The following AVPR1A variants were observed in gnomAD, a reference collection of about 807,000 sequenced individuals.
The protein encoded by AVPR1A is vasopressin V1a receptor.
A neutral mutation model predicts 31.5 loss-of-function variants in AVPR1A; 31 were observed. That is an observed-to-expected ratio of 0.99 (90% CI 0.74 to 1.33). AVPR1A has a LOEUF of 1.33. Ranked by LOEUF, AVPR1A falls within the 40% of genes most tolerant of loss-of-function variation. AVPR1A has a pLI of 0.00. For synonymous variants in AVPR1A, 243 were observed against 233.2 expected (o/e 1.04, Z -0.38); for missense variants, 570 against 575.2 (o/e 0.99, Z 0.09).
rs1418456273 is a variant in AVPR1A, at chr12:63,145,502, A to G, written c.*1857T>C. On this transcript the variant is annotated 3_prime_UTR_variant, in exon 2 of 2. Coordinates refer to ENST00000299178, the MANE Select transcript of AVPR1A (RefSeq NM_000706.5). ...TAGCTGGGTGTGGTGGCACATGCAT[A>G]TAGTCCCAGCTACTCGGGAGGCTGA... 6.9e-5 allele frequency: 27 copies of G among 390,464 alleles called. No homozygotes were observed. The highest frequency in any genetic ancestry group is 1.3e-4 in the Non-Finnish European group (26 of 202,054). The allele number at this position is 390,464 out of a possible 1,614,324, so 24.2% of individuals were successfully genotyped here.
chr12:63,149,110 A>G (rs139584695), intron 1 of AVPR1A, among the ~76,000 whole-genome samples: 249 of 152,316 alleles, frequency 1.6e-3, no homozygotes, highest in Non-Finnish European at 2.7e-3. Flanking sequence ...CTACTGTAAG[A>G]GTTGGGTGGA....
Position 63,145,516 on chromosome 12 carries a change from T to C in AVPR1A, c.*1843A>G, listed in dbSNP as rs922225490. The C allele has an allele frequency of 3.0e-6, 1 of 331,370 alleles. No homozygotes were observed. Among genetic ancestry groups the C allele is most frequent in the Non-Finnish European group, 5.8e-6 (1 of 171,652 alleles). The allele number at this position is 331,370 out of a possible 1,614,324, so 20.5% of individuals were successfully genotyped here. ...GGCACATGCATATAGTCCCAGCTAC[T>C]CGGGAGGCTGAGGCAGGAGAATCGC... On this transcript the variant is annotated 3_prime_UTR_variant, in exon 2 of 2. Transcript: ENST00000299178.
chr12:63,149,768 TTTTTC>T (rs1868419749), intron 1 of AVPR1A, 94 bp downstream of exon 1: 2 of 1,259,776 alleles, frequency 1.6e-6, no homozygotes, highest in Non-Finnish European at 2.1e-6. Flanking sequence ...GATTCTCATT[TTTTTC>T]TCTCTCTCTC....
rs551069624 is a variant in AVPR1A, at chr12:63,150,810, C to G, written c.27G>C (p.Ala9=). Residue 9 remains alanine (A), a synonymous_variant, in exon 1 of 2, where the codon GCG becomes GCC. Coordinates refer to ENST00000299178, the MANE Select transcript of AVPR1A (RefSeq NM_000706.5). The surrounding 1 kb of genome is among the most constrained non-coding windows in gnomAD (Gnocchi z 4.9). MRLSAGPD[A]GPSGNSSPWW... ...ATGGGCTGGAGTTGCCCGAGGGCCC[C>G]GCGTCGGGACCGGCGGAGAGACGCA... is the stretch of plus-strand genomic sequence containing the variant. The G allele has an allele frequency of 1.3e-6, 2 of 1,590,678 alleles. No individual in the cohort carries two copies. Among genetic ancestry groups the G allele is most frequent in the Admixed American group, 1.7e-5 (1 of 58,924 alleles).
Position 63,150,236 on chromosome 12 carries a change from G to C in AVPR1A, c.601C>G (p.Arg201Gly). The change falls in exon 1 of 2, where the codon CGC becomes GGC. Residue 201 changes from arginine to glycine, a missense_variant. Physicochemically the swap from Arg to Gly is moderately radical, Grantham distance 125. Transcript: ENST00000299178. The surrounding 1 kb of genome is among the most constrained non-coding windows in gnomAD (Gnocchi z 4.9). ...TGGATGAAGGTGGCCCAGCAGTCGCGGGCCTTGGTGACATTGTTCACCTCG... is the reference window on the plus strand; with the variant it reads ...TGGATGAAGGTGGCCCAGCAGTCGCCGGCCTTGGTGACATTGTTCACCTCG... ...MIEVNNVTKA[R>G]DCWATFIQPW... The C allele has an allele frequency of 6.2e-7, 1 of 1,613,870 alleles. No individual in the cohort carries two copies.
In AVPR1A at chr12:63,149,796, T is replaced by TCACACA. The variant is rs1187608287; in HGVS notation, c.970+70_970+71insTGTGTG. ...TTCTCTCTCTCTCTCTCTCTCTCTCTCTCACACACACACACACACACACAC... is the reference window on the plus strand; with the variant it reads ...TTCTCTCTCTCTCTCTCTCTCTCTCTCACACACTCACACACACACACACACACACAC... On this transcript the variant is annotated intron_variant, in intron 1 of 1. Transcript: ENST00000299178. 1.2e-4 allele frequency: 138 copies of TCACACA among 1,108,606 alleles called. No individual in the cohort carries two copies. The Admixed American group carries it at 1.5e-3, about 12-fold the overall frequency. The allele number at this position is 1,108,606 out of a possible 1,614,324, so 68.7% of individuals were successfully genotyped here. A position where few individuals can be genotyped will look rare whatever the true frequency, so the allele number is the denominator to read the frequency against.
rs1331495384 is a variant in AVPR1A, at chr12:63,150,844, A to G, written c.-8T>C. The G allele has an allele frequency of 6.4e-7, 1 of 1,564,886 alleles. No individual in the cohort carries two copies. The highest frequency in any genetic ancestry group is 8.6e-7 in the Non-Finnish European group (1 of 1,163,566). On this transcript the variant is annotated 5_prime_UTR_variant, in exon 1 of 2. The change abolishes an upstream ATG in the 5' untranslated region. Coordinates refer to ENST00000299178, the MANE Select transcript of AVPR1A (RefSeq NM_000706.5). This position sits in a 1 kb window ranked among gnomAD's most constrained non-coding sequence, Gnocchi z 4.9. ...ACCGGCGGAGAGACGCATGCTGTCC[A>G]TGCAGCTCCTACTCGGCCCTCTTCG...
In AVPR1A at chr12:63,145,521, A is replaced by G; in HGVS notation, c.*1838T>C. The G allele has an allele frequency of 3.1e-6, 1 of 323,010 alleles. No individual in the cohort carries two copies. 20.0% of individuals were successfully genotyped at this position (323,010 alleles called of 1,614,324 possible). On this transcript the variant is annotated 3_prime_UTR_variant, in exon 2 of 2. Transcript: ENST00000299178. Reference sequence around the variant, plus strand: ...ATGCATATAGTCCCAGCTACTCGGGAGGCTGAGGCAGGAGAATCGCTTGAA... The same window carrying G: ...ATGCATATAGTCCCAGCTACTCGGGGGGCTGAGGCAGGAGAATCGCTTGAA...
chr12:63,145,634 A>G lies in AVPR1A; in HGVS notation c.*1725T>C, dbSNP rs1868352747. The G allele has an allele frequency of 5.6e-6, 1 of 177,824 alleles. No homozygotes were observed. Among genetic ancestry groups the G allele is most frequent in the Non-Finnish European group, 1.2e-5 (1 of 82,588 alleles). 11.0% of individuals were successfully genotyped at this position (177,824 alleles called of 1,614,324 possible). A position where few individuals can be genotyped will look rare whatever the true frequency, so the allele number is the denominator to read the frequency against. On this transcript the variant is annotated 3_prime_UTR_variant, in exon 2 of 2. Coordinates refer to ENST00000299178, the MANE Select transcript of AVPR1A (RefSeq NM_000706.5). ...GCAAGACTCTGTTTCAAAAAAAAAAAAAGCAACTATTACTTCCTCTTAAGG... is the reference window on the plus strand; with the variant it reads ...GCAAGACTCTGTTTCAAAAAAAAAAGAAGCAACTATTACTTCCTCTTAAGG...
chr12:63,147,116 T>C lies in AVPR1A; in HGVS notation c.*243A>G, dbSNP rs1393239570. The C allele has an allele frequency of 2.3e-6, 1 of 436,170 alleles. No homozygotes were observed. Among genetic ancestry groups the C allele is most frequent in the Non-Finnish European group, 4.0e-6 (1 of 247,460 alleles). The allele number at this position is 436,170 out of a possible 1,614,324, so 27.0% of individuals were successfully genotyped here. On this transcript the variant is annotated 3_prime_UTR_variant, in exon 2 of 2. Transcript: ENST00000299178. ...ATTTTTCCTTTAAAAATATAACTTC[T>C]GTTGTATTTCTGGGAATCAGACCTG...
At chr12:63,148,223 A>G (rs905949231) in intron 1 of AVPR1A, among the ~76,000 whole-genome samples, 1 of 152,190 alleles carries the variant, frequency 6.6e-6, no homozygotes, top group African/African-American at 2.4e-5. Context: ...GGTTCAAACA[A>G]ATTATATTAA....
chr12:63,148,547 A>G (rs568533992), intron 1 of AVPR1A, among the ~76,000 whole-genome samples: 1 of 152,306 alleles, frequency 6.6e-6, no homozygotes, highest in African/African-American at 2.4e-5. Flanking sequence ...AATGAAAATT[A>G]CCAACATATC....
chr12:63,143,247 T>C lies in AVPR1A; in HGVS notation c.*4112A>G, dbSNP rs1868334022. The stretch of plus-strand genomic sequence containing the variant: ...ATGGAACACAAAAATATTTCATTCA[T>C]TTTATAATACTTTGTTTTAATTATT... On this transcript the variant is annotated 3_prime_UTR_variant, in exon 2 of 2. Coordinates refer to ENST00000299178, the MANE Select transcript of AVPR1A (RefSeq NM_000706.5). 6.6e-6 allele frequency: 1 copy of C among 152,064 alleles called. No individual in the cohort carries two copies. Among genetic ancestry groups the C allele is most frequent in the South Asian group, 2.1e-4 (1 of 4,832 alleles). The allele number at this position is 152,064 out of a possible 1,614,324, so 9.4% of individuals were successfully genotyped here.
At position 63,146,949 on chromosome 12, in the gene AVPR1A, G is replaced by A. The variant is rs1868367294; in HGVS notation, c.*410C>T. ...ACATAATTTCTCTGAAGTTTTCTCT[G>A]AATATTAAGACTGATGATGAGCTCT... On this transcript the variant is annotated 3_prime_UTR_variant, in exon 2 of 2. Transcript: ENST00000299178. The A allele has an allele frequency of 6.0e-6, 1 of 167,316 alleles. No individual in the cohort carries two copies. Among genetic ancestry groups the A allele is most frequent in the Non-Finnish European group, 1.3e-5 (1 of 76,794 alleles). The allele number at this position is 167,316 out of a possible 1,614,324, so 10.4% of individuals were successfully genotyped here.
chr12:63,149,773 CT>C lies in AVPR1A; in HGVS notation c.970+93del, dbSNP rs1219000059. On this transcript the variant is annotated intron_variant, in intron 1 of 1. Coordinates refer to ENST00000299178, the MANE Select transcript of AVPR1A (RefSeq NM_000706.5). ...AAAATTGCTAGATTCTCATTTTTTT[CT>C]CTCTCTCTCTCTCTCTCTCTCTCTC... is the stretch of plus-strand genomic sequence containing the variant. 104 of 624,362 alleles carry C rather than the reference CT, an allele frequency of 1.7e-4. No individual in the cohort carries two copies. The African/African-American group carries it at 2.7e-3, about 16-fold the overall frequency. The allele number at this position is 624,362 out of a possible 1,614,324, so 38.7% of individuals were successfully genotyped here.
At chr12:63,147,737 C>A (rs1868380019) in intron 1 of AVPR1A, 92 bp from the exon 2 acceptor site, 1 of 1,330,584 alleles carries the variant, frequency 7.5e-7, no homozygotes, top group East Asian at 2.3e-5. Flanking sequence ...GCATAAACTT[C>A]TGGATTATCA....
rs144823008 is a variant in AVPR1A at position 63,150,668 on chromosome 12, C to A, written c.169G>T (p.Val57Leu). The change falls in exon 1 of 2, where the codon GTG becomes TTG. Residue 57 changes from valine to leucine, a missense_variant. Coordinates refer to ENST00000299178, the MANE Select transcript of AVPR1A (RefSeq NM_000706.5). This position sits in a 1 kb window ranked among gnomAD's most constrained non-coding sequence, Gnocchi z 4.9. Reference sequence around the variant, plus strand: ...GCCACCGCGAAAGTCACCGCCAGCACGGCGATCTCCAGTTTGGCCAGCTCC... The same window carrying A: ...GCCACCGCGAAAGTCACCGCCAGCAAGGCGATCTCCAGTTTGGCCAGCTCC... The part of the protein sequence containing the change: ...NEELAKLEIA[V>L]LAVTFAVAVL... 3 of 1,608,810 alleles carry A rather than the reference C, an allele frequency of 1.9e-6. No individual in the cohort carries two copies. The highest frequency in any genetic ancestry group is 1.3e-5 in the African/African-American group (1 of 75,056).
rs1256229744 is a variant in AVPR1A, at chr12:63,150,938, G to T, written c.-102C>A. Reference sequence around the variant, plus strand: ...CTTGGGCTCCTCGTCCGAAGCGCAGGGTCTTTGGCGCGCTCGCAGCTTGCC... The same window carrying T: ...CTTGGGCTCCTCGTCCGAAGCGCAGTGTCTTTGGCGCGCTCGCAGCTTGCC... On this transcript the variant is annotated 5_prime_UTR_variant, in exon 1 of 2. Coordinates refer to ENST00000299178, the MANE Select transcript of AVPR1A (RefSeq NM_000706.5). This position sits in a 1 kb window ranked among gnomAD's most constrained non-coding sequence, Gnocchi z 4.9. 1.4e-6 allele frequency: 2 copies of T among 1,424,430 alleles called. No individual in the cohort carries two copies. The highest frequency in any genetic ancestry group is 1.8e-6 in the Non-Finnish European group (2 of 1,090,884). The allele number at this position is 1,424,430 out of a possible 1,614,324, so 88.2% of individuals were successfully genotyped here. A position where few individuals can be genotyped will look rare whatever the true frequency, so the allele number is the denominator to read the frequency against.
In AVPR1A at chr12:63,145,071, T is replaced by G. The variant is rs911453163; in HGVS notation, c.*2288A>C. The stretch of plus-strand genomic sequence containing the variant: ...TAGTTTTTGAACTATCAAAGAGTTG[T>G]TAAAAGGACTGACAGTCTTCGAGTG... On this transcript the variant is annotated 3_prime_UTR_variant, in exon 2 of 2. Coordinates refer to ENST00000299178, the MANE Select transcript of AVPR1A (RefSeq NM_000706.5). 5.9e-6 allele frequency: 1 copy of G among 168,408 alleles called. No individual in the cohort carries two copies. Among genetic ancestry groups the G allele is most frequent in the African/African-American group, 2.4e-5 (1 of 41,752 alleles). 10.4% of individuals were successfully genotyped at this position (168,408 alleles called of 1,614,324 possible). A position where few individuals can be genotyped will look rare whatever the true frequency, so the allele number is the denominator to read the frequency against.
Sources: gnomAD v4.1 joint callset for allele counts (sites outside exome capture counted in the v4.1 genomes callset) on GRCh38, gnomAD v4.1.1 for gene constraint, Gnocchi (gnomAD v3.1) non-coding constraint, MANE v1.5 for transcripts, NCBI Gene and HGNC (gene_info 2026-07-23, HGNC 2026-07-21) for gene names.